FRRS1: variants seen among roughly 807,000 people sequenced by gnomAD.
The protein encoded by FRRS1 is ferric reductase 1.
FRRS1 carries 51 observed loss-of-function variants against 70.7 expected under a neutral mutation model. That is an observed-to-expected ratio of 0.72 (90% confidence interval 0.58 to 0.91). The LOEUF (loss-of-function observed/expected upper bound fraction) is 0.91, where lower values mean the gene tolerates loss of function less well. Among genes scored for constraint, FRRS1 ranks in the 40% least tolerant of loss-of-function variants. FRRS1 has a pLI of 0.00. For missense variants in FRRS1, 672 were observed against 726.0 expected, an observed-to-expected ratio of 0.93 and a Z score of 0.86; for synonymous variants, 225 against 238.7, an observed-to-expected ratio of 0.94 and a Z score of 0.53.
rs1056122890 is a variant in FRRS1, at chr1:99,744,201, G to T, written c.334-1928C>A. 2.0e-5 allele frequency among the ~76,000 whole-genome samples: 3 copies of T among 152,242 alleles called. No homozygotes were observed. In the South Asian group the frequency reaches 6.2e-4, roughly 32 times the overall value. On this transcript the variant is annotated intron_variant, in intron 4 of 16. Transcript: ENST00000646001. ...TCGGAAATGCAGCTTTTATGCAGGT[G>T]TAAGAATTGCTGTAAGAAAGGGATA...
chr1:99,709,744 G>A (rs1654184345), intron 15 of FRRS1, among the ~76,000 whole-genome samples: 1 of 152,156 alleles, frequency 6.6e-6, no homozygotes, highest in African/African-American at 2.4e-5. Context: ...GAGGCGGGTA[G>A]ATCACTTGAG....
rs1403534359 is a variant in FRRS1, at chr1:99,708,588, A to G, written c.*440T>C. 4 of 98,518 alleles carry G rather than the reference A, an allele frequency of 4.1e-5. No homozygotes were observed. Among genetic ancestry groups the G allele is most frequent in the African/African-American group, 1.6e-4 (4 of 24,722 alleles). The allele number at this position is 98,518 out of a possible 1,614,324, so 6.1% of individuals were successfully genotyped here. A position where few individuals can be genotyped will look rare whatever the true frequency, so the allele number is the denominator to read the frequency against. On this transcript the variant is annotated 3_prime_UTR_variant, in exon 17 of 17. Coordinates refer to ENST00000646001, the MANE Select transcript of FRRS1 (RefSeq NM_001361041.2). ...ACTCCAGCCTGGGCGACAGAGCAAG[A>G]CTCTGTCTCAAAAAAAAAAAAAAAA...
Position 99,705,128 on chromosome 1 carries a change from A to T in FRRS1, c.*3900T>A, listed in dbSNP as rs1205706897. On this transcript the variant is annotated 3_prime_UTR_variant, in exon 17 of 17. Coordinates refer to ENST00000646001, the MANE Select transcript of FRRS1 (RefSeq NM_001361041.2). ...ACTGGGGCTTCAGCTGCAAACATTCACCCCTAGACATTGCTGTGGGGTCGG... is the reference window on the plus strand; with the variant it reads ...ACTGGGGCTTCAGCTGCAAACATTCTCCCCTAGACATTGCTGTGGGGTCGG... Among the ~76,000 whole-genome samples, 3 of 151,876 alleles carry T rather than the reference A, an allele frequency of 2.0e-5. No individual in the cohort carries two copies. The highest frequency in any genetic ancestry group is 7.3e-5 in the African/African-American group (3 of 41,306).
intron 4 of FRRS1, among the ~76,000 whole-genome samples, chr1:99,743,946 A>G (rs992550513): frequency 3.3e-5 from 5 of 152,196 alleles, no homozygotes; most frequent in African/African-American, 1.2e-4. Flanking sequence ...CAAGAAGCAG[A>G]GAAAACTCAT....
intron 4 of FRRS1, among the ~76,000 whole-genome samples, chr1:99,745,416 G>T (rs4908013): frequency 0.49 from 75,122 of 151,968 alleles, 22,572 homozygotes; most frequent in African/African-American, 0.85. Flanking sequence ...CGGCACGGTG[G>T]GTCATGCATG....
At position 99,748,951 on chromosome 1, in the gene FRRS1, AC is replaced by A; in HGVS notation, c.-56del. On this transcript the variant is annotated 5_prime_UTR_variant, in exon 2 of 17. It removes the in-frame stop codon of an upstream open reading frame in the 5' UTR. Coordinates refer to ENST00000646001, the MANE Select transcript of FRRS1 (RefSeq NM_001361041.2). ...TCACCCGAATTTCAATCTCAGCTCT[AC>A]AAATTACTGTGAGACTTTGGGCAAA... The A allele has an allele frequency of 2.0e-6, 1 of 510,038 alleles. No homozygotes were observed. 31.6% of individuals were successfully genotyped at this position (510,038 alleles called of 1,614,324 possible). A position where few individuals can be genotyped will look rare whatever the true frequency, so the allele number is the denominator to read the frequency against.
intron 8 of FRRS1, 134 bp downstream of exon 8, chr1:99,729,516 G>T: frequency 1.8e-6 from 1 of 554,870 alleles, no homozygotes; most frequent in Middle Eastern, 4.8e-4. Flanking sequence ...GAGGAGCCCT[G>T]CTGGCAGGCC....
chr1:99,713,976 G>A (rs1338720112), intron 12 of FRRS1, among the ~76,000 whole-genome samples: 1 of 152,090 alleles, frequency 6.6e-6, no homozygotes, highest in Non-Finnish European at 1.5e-5. Flanking sequence ...AGACTATAAA[G>A]CAGGAGCATG....
At position 99,747,412 on chromosome 1, in the gene FRRS1, G is replaced by A. The variant is rs373614581; in HGVS notation, c.215C>T (p.Pro72Leu). ...DQIEVTLSGH[P>L]FKGFLLEARN... ...CGCTTCTAGGAGAAAGCCTTTAAAT[G>A]GATGCCCTGACAAAGTAACTGAGAA... The change falls in exon 4 of 17, where the codon CCA becomes CTA. Residue 72 changes from proline to leucine, a missense_variant. Pro to Leu is a moderately conservative substitution (Grantham distance 98). Transcript: ENST00000646001. The A allele has an allele frequency of 6.2e-7, 1 of 1,611,236 alleles. No individual in the cohort carries two copies. The highest frequency in any genetic ancestry group is 1.3e-5 in the African/African-American group (1 of 74,722).
In FRRS1 at chr1:99,705,055, G is replaced by A. The variant is rs761893260; in HGVS notation, c.*3973C>T. On this transcript the variant is annotated 3_prime_UTR_variant, in exon 17 of 17. Coordinates refer to ENST00000646001, the MANE Select transcript of FRRS1 (RefSeq NM_001361041.2). ...CAGGGGTCTAATTGAGCTAACACAA[G>A]CTAACTATGGACAGCTAAACTAAAA... Among the ~76,000 whole-genome samples the A allele has an allele frequency of 9.9e-5, 15 of 152,208 alleles. No individual in the cohort carries two copies. Among genetic ancestry groups the A allele is most frequent in the African/African-American group, 1.7e-4 (7 of 41,452 alleles).
chr1:99,706,770 T>TG lies in FRRS1; in HGVS notation c.*2257dup, dbSNP rs1419335863. Among the ~76,000 whole-genome samples the TG allele has an allele frequency of 6.6e-6, 1 of 152,006 alleles. No individual in the cohort carries two copies. Among genetic ancestry groups the TG allele is most frequent in the African/African-American group, 2.4e-5 (1 of 41,388 alleles). ...TTAGCCGAGACTGGTGGTGCACACC[T>TG]GTAGTCCCAGCTATTCAGGAGACTG... On this transcript the variant is annotated 3_prime_UTR_variant, in exon 17 of 17. Transcript: ENST00000646001.
chr1:99,744,441 A>G (rs1656137801), intron 4 of FRRS1, among the ~76,000 whole-genome samples: 1 of 152,184 alleles, frequency 6.6e-6, no homozygotes, highest in South Asian at 2.1e-4. Flanking sequence ...CGTCATTAAG[A>G]AAATCATTGA....
At chr1:99,719,127 A>G (rs1424266472) in intron 10 of FRRS1, among the ~76,000 whole-genome samples, 3 of 151,996 alleles carry the variant, frequency 2.0e-5, no homozygotes, top group Non-Finnish European at 4.4e-5. Flanking sequence ...TAAAAGATTT[A>G]TAGGCTAGGC....
intron 1 of FRRS1, among the ~76,000 whole-genome samples, chr1:99,754,987 G>C (rs1445344147): frequency 6.6e-6 from 1 of 152,000 alleles, no homozygotes; most frequent in Non-Finnish European, 1.5e-5. Flanking sequence ...TTTCATTTAA[G>C]GAGGAGTGAA....
intron 7 of FRRS1, among the ~76,000 whole-genome samples, chr1:99,735,041 A>G (rs1655580476): frequency 6.6e-6 from 1 of 152,254 alleles, no homozygotes; most frequent in Non-Finnish European, 1.5e-5. Context: ...CAAATAGGAA[A>G]GAGGTATGTA....
chr1:99,735,001 A>G (rs1306136130), intron 7 of FRRS1, among the ~76,000 whole-genome samples: 3 of 152,222 alleles, frequency 2.0e-5, no homozygotes, highest in Non-Finnish European at 4.4e-5. Flanking sequence ...CGCATACTTG[A>G]TAGACTTTAC....
chr1:99,738,102 GAC>G lies in FRRS1; in HGVS notation c.741_742del (p.Leu247PhefsTer3). 1.2e-6 allele frequency: 2 copies of G among 1,612,508 alleles called. No homozygotes were observed. The highest frequency in any genetic ancestry group is 1.7e-6 in the Non-Finnish European group (2 of 1,178,950). ...GGTACCAACCATCCACTGATCATGA[GAC>G]AATGCAAAGGATAAATAGCCTTTAC... is the stretch of plus-strand genomic sequence containing the variant. On this transcript the variant is annotated frameshift_variant, in exon 7 of 17. Coordinates refer to ENST00000646001, the MANE Select transcript of FRRS1 (RefSeq NM_001361041.2). LOFTEE classifies it high-confidence loss of function.
chr1:99,726,734 T>C (rs1655094662), intron 9 of FRRS1, among the ~76,000 whole-genome samples: 1 of 152,136 alleles, frequency 6.6e-6, no homozygotes, highest in South Asian at 2.1e-4. Flanking sequence ...TGAGACAGGG[T>C]CTCCCTTAGT....
In FRRS1 at chr1:99,707,729, T is replaced by C. The variant is rs562083732; in HGVS notation, c.*1299A>G. Among the ~76,000 whole-genome samples, 1 of 152,318 alleles carries C rather than the reference T, an allele frequency of 6.6e-6. No individual in the cohort carries two copies. Among genetic ancestry groups the C allele is most frequent in the South Asian group, 2.1e-4 (1 of 4,828 alleles). On this transcript the variant is annotated 3_prime_UTR_variant, in exon 17 of 17. Coordinates refer to ENST00000646001, the MANE Select transcript of FRRS1 (RefSeq NM_001361041.2). ...GGAACAAAGCAGTGCAGTACTTCGG[T>C]ATTACAGCGCCACCCACTGGCTAGA...
Sources: gnomAD v4.1 joint callset for allele counts (sites outside exome capture counted in the v4.1 genomes callset) on GRCh38, gnomAD v4.1.1 for gene constraint, MANE v1.5 for transcripts, NCBI Gene and HGNC (gene_info 2026-07-23, HGNC 2026-07-21) for gene names.